Variants in LCLAT1 observed in about 807,000 individuals in gnomAD.
The protein encoded by LCLAT1 is 1-AGP acyltransferase 8.
In LCLAT1, 11 loss-of-function variants were observed where a neutral mutation model predicts 30.7. That is an observed-to-expected ratio of 0.36 (90% confidence interval 0.23 to 0.59). LCLAT1 has a LOEUF of 0.59. Among genes scored for constraint, LCLAT1 ranks in the 20% least tolerant of loss-of-function variants. The pLI, the probability that LCLAT1 is intolerant of heterozygous loss-of-function variation, is 0.77. For missense variants in LCLAT1, 402 were observed against 458.6 expected, an observed-to-expected ratio of 0.88 and a Z score of 1.13; for synonymous variants, 155 against 151.3, an observed-to-expected ratio of 1.02 and a Z score of -0.18.
At chr2:30,540,274 G>T (rs563055418) in intron 3 of LCLAT1, among the ~76,000 whole-genome samples, 48 of 152,262 alleles carry the variant, frequency 3.2e-4, no homozygotes, top group Admixed American at 8.5e-4. Context: ...AGCAATATAT[G>T]TTGGAGATTA....
chr2:30,626,753 A>T (rs1407485088), intron 5 of LCLAT1, among the ~76,000 whole-genome samples: 1 of 151,512 alleles, frequency 6.6e-6, no homozygotes, highest in African/African-American at 2.4e-5. Context: ...CTCTTTAGTA[A>T]TGAAGCATGT....
intron 1 of LCLAT1, among the ~76,000 whole-genome samples, chr2:30,474,673 G>A (rs1487280527): frequency 6.9e-6 from 1 of 145,268 alleles, no homozygotes; most frequent in Non-Finnish European, 1.5e-5. Flanking sequence ...TTTCTAAATA[G>A]GGCCTCACTC....
chr2:30,618,106 TTCTGTTTCATTGA>T (rs1668080415), intron 5 of LCLAT1, among the ~76,000 whole-genome samples: 1 of 152,158 alleles, frequency 6.6e-6, no homozygotes, highest in Admixed American at 6.6e-5. Context: ...CTAGACTCTG[TTCTGTTTCATTGA>T]TCTGTATGTC....
chr2:30,610,127 C>T (rs1389288311), intron 5 of LCLAT1, among the ~76,000 whole-genome samples: 1 of 152,070 alleles, frequency 6.6e-6, no homozygotes, highest in African/African-American at 2.4e-5. Flanking sequence ...TCACATATTA[C>T]TTCCTCTATT....
intron 1 of LCLAT1, chr2:30,476,750 C>G: frequency 3.3e-6 from 1 of 304,250 alleles, no homozygotes; most frequent in South Asian, 3.0e-5. Context: ...CCTGCCCCTG[C>G]CATCCATGGA....
At chr2:30,582,985 T>C (rs1001220266) in intron 5 of LCLAT1, among the ~76,000 whole-genome samples, 1 of 152,272 alleles carries the variant, frequency 6.6e-6, no homozygotes, top group Middle Eastern at 3.2e-3. Flanking sequence ...GAACTTTTAA[T>C]AATTCAGATC....
intron 5 of LCLAT1, among the ~76,000 whole-genome samples, chr2:30,577,749 G>A (rs566036954): frequency 2.0e-5 from 3 of 152,126 alleles, no homozygotes; most frequent in Admixed American, 2.0e-4. Flanking sequence ...AAAAATCACT[G>A]TCTTTACTCT....
At chr2:30,529,150 T>G (rs570692470) in intron 2 of LCLAT1, among the ~76,000 whole-genome samples, 3 of 152,288 alleles carry the variant, frequency 2.0e-5, no homozygotes, top group Middle Eastern at 6.8e-3. Flanking sequence ...AAAAATAAAT[T>G]AGGATAAATG....
intron 5 of LCLAT1, among the ~76,000 whole-genome samples, chr2:30,582,203 C>G (rs1339642415): frequency 6.6e-6 from 1 of 151,656 alleles, no homozygotes; most frequent in African/African-American, 2.4e-5. Context: ...CTCCTCACCC[C>G]TGCCCCTGCC....
At chr2:30,617,614 G>A (rs1023246363) in intron 5 of LCLAT1, among the ~76,000 whole-genome samples, 2 of 152,120 alleles carry the variant, frequency 1.3e-5, no homozygotes, top group Non-Finnish European at 2.9e-5. Context: ...AGTATTATTT[G>A]AGGGTTCCAG....
rs771551831 is a variant in LCLAT1 at position 30,479,693 on chromosome 2, T to C, written c.-5+32310T>C. Among the ~76,000 whole-genome samples the C allele has an allele frequency of 1.3e-4, 20 of 152,014 alleles. No individual in the cohort carries two copies. The South Asian group carries it at 2.1e-3, about 16-fold the overall frequency. On this transcript the variant is annotated intron_variant, in intron 1 of 5. Coordinates refer to ENST00000379509, the MANE Select transcript of LCLAT1 (RefSeq NM_001002257.3). ...GGCTTCTGGGTTGCAGGCAATACTC[T>C]GTCTCGATCTGGATACTAACTTTGT... is the stretch of plus-strand genomic sequence containing the variant.
chr2:30,563,921 C>A (rs1348554530), intron 4 of LCLAT1, among the ~76,000 whole-genome samples: 2 of 152,100 alleles, frequency 1.3e-5, no homozygotes, highest in Non-Finnish European at 2.9e-5. Flanking sequence ...TGGAACTGAG[C>A]TAAATGAACG....
At chr2:30,612,167 T>A (rs1667769450) in intron 5 of LCLAT1, among the ~76,000 whole-genome samples, 1 of 152,200 alleles carries the variant, frequency 6.6e-6, no homozygotes, top group Non-Finnish European at 1.5e-5. Context: ...TATTCGGGAA[T>A]GTTTAATGAA....
chr2:30,547,023 C>T (rs561843045), intron 3 of LCLAT1, among the ~76,000 whole-genome samples: 3 of 151,882 alleles, frequency 2.0e-5, no homozygotes, highest in Non-Finnish European at 4.4e-5. Context: ...TAAGCCCCCA[C>T]AGGACTCAGT....
chr2:30,640,039 C>A, intron 5 of LCLAT1, 78 bp from the exon 6 acceptor site: 1 of 1,188,066 alleles, frequency 8.4e-7, no homozygotes, highest in Non-Finnish European at 1.2e-6. Flanking sequence ...GTTTCTGGTG[C>A]TGCCCTGCAG....
At chr2:30,597,390 A>T (rs1426620556) in intron 5 of LCLAT1, among the ~76,000 whole-genome samples, 1 of 151,784 alleles carries the variant, frequency 6.6e-6, no homozygotes, top group Non-Finnish European at 1.5e-5. Flanking sequence ...TAGGTATTTT[A>T]TTCTCTTTGT....
At chr2:30,469,926 T>C (rs998905551) in intron 1 of LCLAT1, among the ~76,000 whole-genome samples, 1 of 152,156 alleles carries the variant, frequency 6.6e-6, no homozygotes, top group Non-Finnish European at 1.5e-5. Context: ...AGATGGCGTT[T>C]CGCTGTGTTG....
At chr2:30,453,441 A>G (rs780679585) in intron 1 of LCLAT1, among the ~76,000 whole-genome samples, 3 of 152,198 alleles carry the variant, frequency 2.0e-5, no homozygotes, top group Non-Finnish European at 4.4e-5. Flanking sequence ...CTTTCATAAT[A>G]TAAATACTGT....
At chr2:30,620,244 T>C (rs1572706322) in intron 5 of LCLAT1, among the ~76,000 whole-genome samples, 1 of 152,174 alleles carries the variant, frequency 6.6e-6, no homozygotes, top group Non-Finnish European at 1.5e-5. Flanking sequence ...GTGTGGCCTT[T>C]CCAGCCCCTG....
Sources: gnomAD v4.1 joint callset for allele counts (sites outside exome capture counted in the v4.1 genomes callset) on GRCh38, gnomAD v4.1.1 for gene constraint, MANE v1.5 for transcripts, NCBI Gene and HGNC (gene_info 2026-07-23, HGNC 2026-07-21) for gene names.